EIF2AK1: variants seen among roughly 807,000 people sequenced by gnomAD.
EIF2AK1 encodes eukaryotic translation initiation factor 2 alpha kinase 1, also known as eukaryotic translation initiation factor 2-alpha kinase 1.
EIF2AK1 carries 54 observed loss-of-function variants against 77.9 expected under a neutral mutation model. The observed-to-expected ratio is 0.69, with a 90% confidence interval of 0.56 to 0.87. EIF2AK1 has a LOEUF of 0.87. EIF2AK1 is among the 40% of genes least tolerant of loss of function. The pLI is 0.00. For synonymous variants in EIF2AK1, 314 were observed against 290.5 expected, an observed-to-expected ratio of 1.08 and a Z score of -0.82; for missense variants, 810 against 768.6, an observed-to-expected ratio of 1.05 and a Z score of -0.64.
Position 6,023,294 on chromosome 7 carries a change from T to C in EIF2AK1, c.*1379A>G, listed in dbSNP as rs746216887. On this transcript the variant is annotated 3_prime_UTR_variant, in exon 15 of 15. Transcript: ENST00000199389. ...TGGTGATGCTACCTGGCGTGTTTTT[T>C]CTTTTCAGTGCCGAAGACGCAGATG... 6.3e-7 allele frequency: 1 copy of C among 1,580,110 alleles called. No homozygotes were observed. Among genetic ancestry groups the C allele is most frequent in the East Asian group, 2.2e-5 (1 of 44,736 alleles).
rs1244320959 is a variant in EIF2AK1, at chr7:6,023,958, T to C, written c.*715A>G. The C allele has an allele frequency of 2.1e-6, 3 of 1,403,244 alleles. No homozygotes were observed. The highest frequency in any genetic ancestry group is 4.3e-5 in the Admixed American group (2 of 46,804). The allele number at this position is 1,403,244 out of a possible 1,614,324, so 86.9% of individuals were successfully genotyped here. A position where few individuals can be genotyped will look rare whatever the true frequency, so the allele number is the denominator to read the frequency against. ...TCATCAGATCGCTGCCTCTGAGGGA[T>C]GTACAGATTGGCTGGGGAGCTGAGT... On this transcript the variant is annotated 3_prime_UTR_variant, in exon 15 of 15. Coordinates refer to ENST00000199389, the MANE Select transcript of EIF2AK1 (RefSeq NM_014413.4).
chr7:6,033,215 T>G lies in EIF2AK1; in HGVS notation c.1333-4183A>C, dbSNP rs7791669. On this transcript the variant is annotated intron_variant, in intron 11 of 14. Transcript: ENST00000199389. This position sits in a 1 kb window ranked among gnomAD's most constrained non-coding sequence, Gnocchi z 4.4. Reference sequence around the variant, plus strand: ...AACTCCTGGCCTCAAGTGATCCACCTGCCTCGGCCTCCCAAAGTGCTGGGA... The same window carrying G: ...AACTCCTGGCCTCAAGTGATCCACCGGCCTCGGCCTCCCAAAGTGCTGGGA... 0.038 allele frequency among the ~76,000 whole-genome samples: 5,777 copies of G among 152,204 alleles called. 375 individuals are homozygous for G. Among genetic ancestry groups the G allele is most frequent in the African/African-American group, 0.13 (5,477 of 41,532 alleles).
chr7:6,046,896 T>C (rs1286700200), intron 5 of EIF2AK1, 96 bp downstream of exon 5: 1 of 1,179,474 alleles, frequency 8.5e-7, no homozygotes, highest in Non-Finnish European at 1.2e-6. Context: ...CGAGACTCCA[T>C]CTCAAAAAAA....
chr7:6,051,425 C>T (rs1421376823), intron 2 of EIF2AK1, among the ~76,000 whole-genome samples: 1 of 151,936 alleles, frequency 6.6e-6, no homozygotes, highest in Non-Finnish European at 1.5e-5. Context: ...GTGCACACCA[C>T]CACGCCTGGC....
At position 6,052,170 on chromosome 7, in the gene EIF2AK1, T is replaced by G. The variant is rs569204685; in HGVS notation, c.278-2125A>C. Among the ~76,000 whole-genome samples, 291 of 39,300 alleles carry G rather than the reference T, an allele frequency of 7.4e-3. 1 individual carries two copies. The highest frequency in any genetic ancestry group is 0.011 in the Non-Finnish European group (240 of 21,388). 25.8% of individuals were successfully genotyped at this position (39,300 alleles called of 152,430 possible). ...CTGGGCGACAGAGCAAGACTCCTTA[T>G]CAAAAAAAAAAAAAAAAAAAGTCAT... On this transcript the variant is annotated intron_variant, in intron 2 of 14. Transcript: ENST00000199389.
At chr7:6,030,644 G>A (rs753525766) in intron 11 of EIF2AK1, among the ~76,000 whole-genome samples, 12 of 152,014 alleles carry the variant, frequency 7.9e-5, no homozygotes, top group African/African-American at 2.2e-4. Flanking sequence ...GACTACAGGC[G>A]CACGCCACCA....
intron 2 of EIF2AK1, among the ~76,000 whole-genome samples, chr7:6,051,800 G>T (rs915662937): frequency 2.0e-5 from 3 of 151,830 alleles, no homozygotes; most frequent in African/African-American, 7.3e-5. Context: ...AAAGAAAAAA[G>T]AAATAGAAAA....
intron 1 of EIF2AK1, among the ~76,000 whole-genome samples, chr7:6,058,699 C>G (rs1165288173): frequency 6.6e-6 from 1 of 152,214 alleles, no homozygotes; most frequent in African/African-American, 2.4e-5. Flanking sequence ...CCCAGCCATC[C>G]GAAGGCCTCA....
intron 9 of EIF2AK1, 97 bp from the exon 10 acceptor site, chr7:6,038,768 G>A (rs1260638142): frequency 1.8e-5 from 18 of 1,018,120 alleles, no homozygotes; most frequent in Non-Finnish European, 2.4e-5. Flanking sequence ...TGGGCCAAGA[G>A]AGTAGGCCTC....
At chr7:6,025,507 G>A (rs1341766372) in intron 14 of EIF2AK1, among the ~76,000 whole-genome samples, 2 of 152,150 alleles carry the variant, frequency 1.3e-5, no homozygotes, top group Non-Finnish European at 2.9e-5. Context: ...ACCTGCTTAC[G>A]TGGACAATGA....
intron 7 of EIF2AK1, 110 bp downstream of exon 7, chr7:6,044,452 A>G (rs1465514357): frequency 1.1e-6 from 1 of 870,798 alleles, no homozygotes; most frequent in Non-Finnish European, 1.7e-6. Flanking sequence ...AAAAATATGT[A>G]AAAACCATTC....
Position 6,044,559 on chromosome 7 carries a change from T to C in EIF2AK1, c.730+3A>G, listed in dbSNP as rs764016815. On this transcript the variant is annotated splice_donor_region_variant and intron_variant, in intron 7 of 14. Transcript: ENST00000199389. ...AACTACCATACCATCAAAAACGGCTTACCTCGTGGCTGAATCACATGAACA... is the reference window on the plus strand; with the variant it reads ...AACTACCATACCATCAAAAACGGCTCACCTCGTGGCTGAATCACATGAACA... 1.2e-6 allele frequency: 2 copies of C among 1,611,626 alleles called. No individual in the cohort carries two copies. Among genetic ancestry groups the C allele is most frequent in the East Asian group, 4.5e-5 (2 of 44,802 alleles).
At position 6,032,051 on chromosome 7, in the gene EIF2AK1, G is replaced by A. The variant is rs1381471675; in HGVS notation, c.1333-3019C>T. Among the ~76,000 whole-genome samples, 1 of 152,250 alleles carries A rather than the reference G, an allele frequency of 6.6e-6. No individual in the cohort carries two copies. Among genetic ancestry groups the A allele is most frequent in the South Asian group, 2.1e-4 (1 of 4,824 alleles). ...TAGCCGGGCTTGGTGGCAGGAGCCTGTAATCTCAGCTACTCGGACGGCTGA... is the reference window on the plus strand; with the variant it reads ...TAGCCGGGCTTGGTGGCAGGAGCCTATAATCTCAGCTACTCGGACGGCTGA... On this transcript the variant is annotated intron_variant, in intron 11 of 14. Coordinates refer to ENST00000199389, the MANE Select transcript of EIF2AK1 (RefSeq NM_014413.4). The surrounding 1 kb of genome is among the most constrained non-coding windows in gnomAD (Gnocchi z 4.3).
chr7:6,041,343 A>C, intron 8 of EIF2AK1, 124 bp from the exon 9 acceptor site: 1 of 964,564 alleles, frequency 1.0e-6, no homozygotes, highest in Non-Finnish European at 1.5e-6. Context: ...GTTGGAGACC[A>C]GCTTACCCAA....
chr7:6,040,877 G>C lies in EIF2AK1; in HGVS notation c.1119+15C>G. ...AATACTGGCCAAATTAGGAGGGTCT[G>C]GGAAAGTAATCTACCTCTGTCTGAC... is the stretch of plus-strand genomic sequence containing the variant. On this transcript the variant is annotated intron_variant, in intron 9 of 14. Transcript: ENST00000199389. The C allele has an allele frequency of 6.2e-7, 1 of 1,608,864 alleles. No individual in the cohort carries two copies. Among genetic ancestry groups the C allele is most frequent in the Non-Finnish European group, 8.5e-7 (1 of 1,175,720 alleles).
intron 1 of EIF2AK1, among the ~76,000 whole-genome samples, chr7:6,058,449 G>C (rs577969431): frequency 6.6e-6 from 1 of 152,054 alleles, no homozygotes; most frequent in Non-Finnish European, 1.5e-5. Flanking sequence ...TTAAACCAAA[G>C]ACGTTTATTT....
chr7:6,037,029 A>T (rs930561269), intron 11 of EIF2AK1, among the ~76,000 whole-genome samples: 3 of 152,058 alleles, frequency 2.0e-5, no homozygotes, highest in African/African-American at 7.2e-5. Context: ...GGAGTTCAAG[A>T]TCAACCTGGG....
chr7:6,023,651 A>C lies in EIF2AK1; in HGVS notation c.*1022T>G. The C allele has an allele frequency of 6.2e-7, 1 of 1,614,004 alleles. No homozygotes were observed. On this transcript the variant is annotated 3_prime_UTR_variant, in exon 15 of 15. Transcript: ENST00000199389. ...CAGAGGTGGATGAGGTCTTGTGAAA[A>C]CCTGGCTCCTTTTAACACGGCCCTC...
chr7:6,035,258 C>T lies in EIF2AK1; in HGVS notation c.1332+2166G>A, dbSNP rs544176703. Among the ~76,000 whole-genome samples, 2 of 152,298 alleles carry T rather than the reference C, an allele frequency of 1.3e-5. No individual in the cohort carries two copies. Among genetic ancestry groups the T allele is most frequent in the East Asian group, 3.8e-4 (2 of 5,196 alleles). On this transcript the variant is annotated intron_variant, in intron 11 of 14. Transcript: ENST00000199389. This position sits in a 1 kb window ranked among gnomAD's most constrained non-coding sequence, Gnocchi z 5.5. ...CCCCATCACGTAGTGATGCATCCCACCACATCCCACGAAAAACCCTGGGAT... is the reference window on the plus strand; with the variant it reads ...CCCCATCACGTAGTGATGCATCCCATCACATCCCACGAAAAACCCTGGGAT...
Sources: allele counts gnomAD v4.1 joint callset (sites outside exome capture counted in the v4.1 genomes callset), GRCh38; gene constraint gnomAD v4.1.1; non-coding constraint Gnocchi (gnomAD v3.1); transcripts MANE v1.5; gene names NCBI Gene and HGNC (gene_info 2026-07-23, HGNC 2026-07-21).